IP6K1: variants seen among roughly 807,000 people sequenced by gnomAD.
IP6K1 encodes the protein ATP:1D-myo-inositol-hexakisphosphate phosphotransferase.
A neutral mutation model predicts 38.3 loss-of-function variants in IP6K1; 13 were observed. That is an observed-to-expected ratio of 0.34 (90% confidence interval 0.22 to 0.54). The LOEUF (loss-of-function observed/expected upper bound fraction) is 0.54. Among genes scored for constraint, IP6K1 ranks in the 20% least tolerant of loss-of-function variants. IP6K1 has a pLI of 0.92. For synonymous variants in IP6K1, 212 were observed against 229.9 expected (o/e 0.92, Z 0.70); for missense variants, 397 against 599.8 (o/e 0.66, Z 3.53).
At position 49,727,233 on chromosome 3, in the gene IP6K1, G is replaced by C; in HGVS notation, c.1215C>G (p.Phe405Leu). 7 of 1,614,186 alleles carry C rather than the reference G, an allele frequency of 4.3e-6. No individual in the cohort carries two copies. Among genetic ancestry groups the C allele is most frequent in the Non-Finnish European group, 5.1e-6 (6 of 1,180,050 alleles). The change falls in exon 6 of 6, where the codon TTC (phenylalanine) becomes TTG (leucine). Residue 405 changes from phenylalanine to leucine, a missense_variant. Coordinates refer to ENST00000321599, the MANE Select transcript of IP6K1 (RefSeq NM_153273.4). This position sits in a 1 kb window ranked among gnomAD's most constrained non-coding sequence, Gnocchi z 5.9. ...VRMIDFAHST[F>L]KGFRDDPTVH... is the part of the protein sequence containing the mutation. The stretch of plus-strand genomic sequence containing the variant: ...CGGTGGGGTCATCCCGGAAGCCCTT[G>C]AATGTGCTGTGTGCAAAGTCAATCA...
intron 2 of IP6K1, among the ~76,000 whole-genome samples, chr3:49,741,216 C>T (rs903431363): frequency 2.0e-5 from 3 of 152,150 alleles, no homozygotes; most frequent in Admixed American, 1.3e-4. Flanking sequence ...TTTCTGTGTT[C>T]ACCTTTGGGA....
intron 3 of IP6K1, among the ~76,000 whole-genome samples, chr3:49,735,671 G>C (rs1426433711): frequency 6.6e-6 from 1 of 152,154 alleles, no homozygotes; most frequent in East Asian, 1.9e-4. Context: ...CTGAGGACAT[G>C]GGAAATGACA....
chr3:49,765,856 A>C (rs2108253579), intron 1 of IP6K1, among the ~76,000 whole-genome samples: 1 of 151,760 alleles, frequency 6.6e-6, no homozygotes. Flanking sequence ...CAGACTGGGC[A>C]ACACAGCGAA....
chr3:49,772,131 GC>G (rs1169453404), intron 1 of IP6K1, among the ~76,000 whole-genome samples: 1 of 151,326 alleles, frequency 6.6e-6, no homozygotes, highest in East Asian at 1.9e-4. Context: ...GATCCCTTGA[GC>G]CCAAGGTGGG....
intron 1 of IP6K1, among the ~76,000 whole-genome samples, chr3:49,783,012 C>T (rs147026698): frequency 0.023 from 3,377 of 149,954 alleles, 47 homozygotes; most frequent in Non-Finnish European, 0.03. Flanking sequence ...CCCAGCTACT[C>T]GGGAGGCTGA....
chr3:49,734,698 G>A (rs773523406), intron 3 of IP6K1, among the ~76,000 whole-genome samples: 6 of 152,180 alleles, frequency 3.9e-5, no homozygotes, highest in Non-Finnish European at 7.3e-5. Context: ...GAGCACTGCT[G>A]AGGCCATTCA....
chr3:49,771,222 G>C (rs1169372815), intron 1 of IP6K1, among the ~76,000 whole-genome samples: 1 of 146,100 alleles, frequency 6.8e-6, no homozygotes, highest in Non-Finnish European at 1.5e-5. Context: ...ACCCTGCCAG[G>C]CACAGTGGTG....
chr3:49,782,444 C>T (rs2081073545), intron 1 of IP6K1, among the ~76,000 whole-genome samples: 1 of 152,064 alleles, frequency 6.6e-6, no homozygotes, highest in African/African-American at 2.4e-5. Flanking sequence ...GCTGGGATTA[C>T]AGGCTTGAGC....
chr3:49,735,890 T>A (rs1410014972), intron 3 of IP6K1, among the ~76,000 whole-genome samples: 1 of 152,226 alleles, frequency 6.6e-6, no homozygotes, highest in Non-Finnish European at 1.5e-5. Flanking sequence ...TTTCAGCTTC[T>A]AAGTCAAGTC....
intron 1 of IP6K1, among the ~76,000 whole-genome samples, chr3:49,760,343 G>C (rs1446687388): frequency 6.6e-6 from 1 of 152,164 alleles, no homozygotes; most frequent in South Asian, 2.1e-4. Flanking sequence ...ACAGGTGGAG[G>C]CTGGACGCAG....
chr3:49,778,022 T>C (rs2081033440), intron 1 of IP6K1, among the ~76,000 whole-genome samples: 1 of 151,864 alleles, frequency 6.6e-6, no homozygotes, highest in African/African-American at 2.4e-5. Context: ...AATGACTTTT[T>C]TTTTTTAAGA....
intron 1 of IP6K1, among the ~76,000 whole-genome samples, chr3:49,770,243 T>G (rs1021835914): frequency 9.2e-5 from 14 of 152,208 alleles, no homozygotes; most frequent in Admixed American, 2.6e-4. Flanking sequence ...TGCTAAGTTT[T>G]GGAATAATTT....
intron 1 of IP6K1, chr3:49,775,238 G>C (rs752840797): frequency 1.2e-5 from 2 of 167,796 alleles, no homozygotes; most frequent in African/African-American, 4.8e-5. Context: ...AAGCAGTCTC[G>C]AAAAAATAAA....
intron 1 of IP6K1, 67 bp from the exon 2 acceptor site, chr3:49,748,235 A>C: frequency 1.6e-6 from 1 of 614,774 alleles, no homozygotes; most frequent in Non-Finnish European, 2.9e-6. Context: ...CTGGAGCTCC[A>C]TGAGTGAGAG....
intron 1 of IP6K1, among the ~76,000 whole-genome samples, chr3:49,752,657 T>C (rs912844832): frequency 5.3e-5 from 8 of 151,896 alleles, no homozygotes; most frequent in Middle Eastern, 3.2e-3. Context: ...GGGTTTCTCA[T>C]GTTGGCCAGA....
intron 1 of IP6K1, among the ~76,000 whole-genome samples, chr3:49,783,338 CAGG>C (rs1008313732): frequency 6.6e-6 from 1 of 150,618 alleles, no homozygotes; most frequent in African/African-American, 2.4e-5. Flanking sequence ...GATCACCTGT[CAGG>C]AGTGACCAGC....
intron 1 of IP6K1, among the ~76,000 whole-genome samples, chr3:49,752,898 G>A (rs1056995082): frequency 6.6e-6 from 1 of 151,486 alleles, no homozygotes; most frequent in Non-Finnish European, 1.5e-5. Context: ...GGGACTACAA[G>A]CGCACCCCAC....
At chr3:49,735,863 T>C (rs189731295) in intron 3 of IP6K1, among the ~76,000 whole-genome samples, 14 of 152,334 alleles carry the variant, frequency 9.2e-5, no homozygotes, top group Non-Finnish European at 1.8e-4. Context: ...TACTGTCTCA[T>C]CTAAGGAAAT....
At chr3:49,754,948 G>A (rs1321271147) in intron 1 of IP6K1, among the ~76,000 whole-genome samples, 2 of 149,988 alleles carry the variant, frequency 1.3e-5, no homozygotes, top group Non-Finnish European at 3.0e-5. Context: ...TTTGAGACAG[G>A]GTCTCACACT....
Sources: gnomAD v4.1 joint callset for allele counts (sites outside exome capture counted in the v4.1 genomes callset) on GRCh38, gnomAD v4.1.1 for gene constraint, Gnocchi (gnomAD v3.1) non-coding constraint, MANE v1.5 for transcripts, NCBI Gene and HGNC (gene_info 2026-07-23, HGNC 2026-07-21) for gene names.